Variants in BTBD8 observed in about 807,000 individuals in gnomAD.
BTBD8 encodes the protein BTB domain containing 8, also known as BTB/POZ domain-containing protein 8.
Under a neutral mutation model 162.9 loss-of-function variants are expected in BTBD8, and 110 were observed. That is an observed-to-expected ratio of 0.68 (90% CI 0.58 to 0.79). The LOEUF (loss-of-function observed/expected upper bound fraction) is 0.79. Among genes scored for constraint, BTBD8 ranks in the 30% least tolerant of loss-of-function variants. The pLI, the probability that BTBD8 is intolerant of heterozygous loss-of-function variation, is 0.00. For synonymous variants in BTBD8, 667 were observed against 716.1 expected, an observed-to-expected ratio of 0.93 and a Z score of 1.10; for missense variants, 1,905 against 2,085.4, an observed-to-expected ratio of 0.91 and a Z score of 1.68.
At chr1:92,089,022 C>T in intron 2 of BTBD8, 127 bp downstream of exon 2, 1 of 889,052 alleles carries the variant, frequency 1.1e-6, no homozygotes, top group Admixed American at 3.0e-5. Context: ...ACTTAAATTC[C>T]AAATTATCTT....
Position 92,173,307 on chromosome 1 carries a change from G to A in BTBD8, c.1635+1847G>A, listed in dbSNP as rs186254494. 2.4e-4 allele frequency among the ~76,000 whole-genome samples: 37 copies of A among 152,288 alleles called. No individual in the cohort carries two copies. The East Asian group carries it at 6.9e-3, about 29-fold the overall frequency. ...CACTAAAGAATACTTTTGAATTGTT[G>A]CATCCAAAATTTTCCCCAATGTTAT... On this transcript the variant is annotated intron_variant, in intron 13 of 17. Coordinates refer to ENST00000636805, the MANE Select transcript of BTBD8 (RefSeq NM_001376131.1).
intron 9 of BTBD8, among the ~76,000 whole-genome samples, chr1:92,153,363 T>C (rs1404171713): frequency 1.3e-5 from 2 of 152,170 alleles, no homozygotes; most frequent in African/African-American, 2.4e-5. Flanking sequence ...CATCCTTTAC[T>C]TATTTTATTT....
At position 92,121,837 on chromosome 1, in the gene BTBD8, T is replaced by A. The variant is rs905984591; in HGVS notation, c.663-7850T>A. Reference sequence around the variant, plus strand: ...GTTTATATCTTTTGCCCATTTATTTTTTTATTTTTTTTTTTTTGAGACAGA... The same window carrying A: ...GTTTATATCTTTTGCCCATTTATTTATTTATTTTTTTTTTTTTGAGACAGA... On this transcript the variant is annotated intron_variant, in intron 4 of 17. Coordinates refer to ENST00000636805, the MANE Select transcript of BTBD8 (RefSeq NM_001376131.1). 4.6e-5 allele frequency among the ~76,000 whole-genome samples: 7 copies of A among 151,206 alleles called. No homozygotes were observed. The South Asian group carries it at 6.2e-4, about 13-fold the overall frequency.
intron 1 of BTBD8, among the ~76,000 whole-genome samples, chr1:92,081,791 C>T (rs1172380842): frequency 6.6e-6 from 1 of 152,162 alleles, no homozygotes; most frequent in Non-Finnish European, 1.5e-5. Context: ...CCAGGCTAGT[C>T]ACGAACTCGT....
chr1:92,090,522 T>G (rs966685066), intron 2 of BTBD8, among the ~76,000 whole-genome samples: 2 of 152,244 alleles, frequency 1.3e-5, no homozygotes, highest in African/African-American at 4.8e-5. Flanking sequence ...TCTTTATATA[T>G]TCTGTAATAT....
At chr1:92,100,234 AAATT>A (rs913804731) in intron 2 of BTBD8, among the ~76,000 whole-genome samples, 1 of 152,092 alleles carries the variant, frequency 6.6e-6, no homozygotes, top group African/African-American at 2.4e-5. Flanking sequence ...ATTCAGTTTA[AAATT>A]ATTTTGTTGA....
intron 2 of BTBD8, among the ~76,000 whole-genome samples, chr1:92,097,390 A>G (rs577862255): frequency 6.6e-6 from 1 of 152,030 alleles, no homozygotes; most frequent in Non-Finnish European, 1.5e-5. Flanking sequence ...TTTTTAATGG[A>G]TATAATTTTC....
chr1:92,095,806 A>G (rs1648434076), intron 2 of BTBD8, among the ~76,000 whole-genome samples: 2 of 152,112 alleles, frequency 1.3e-5, no homozygotes, highest in African/African-American at 4.8e-5. Context: ...ACTCACTGCC[A>G]TGTCAAATCC....
At chr1:92,098,777 C>A (rs1307130944) in intron 2 of BTBD8, among the ~76,000 whole-genome samples, 1 of 152,086 alleles carries the variant, frequency 6.6e-6, no homozygotes, top group Non-Finnish European at 1.5e-5. Flanking sequence ...ATTGGGTTCT[C>A]TTTAAACTAT....
At chr1:92,121,283 G>A (rs1649203332) in intron 4 of BTBD8, among the ~76,000 whole-genome samples, 1 of 152,132 alleles carries the variant, frequency 6.6e-6, no homozygotes, top group Non-Finnish European at 1.5e-5. Context: ...AATTCAGTTT[G>A]CTAATATTTT....
chr1:92,101,939 C>T (rs1648601247), intron 2 of BTBD8, among the ~76,000 whole-genome samples: 2 of 152,180 alleles, frequency 1.3e-5, no homozygotes, highest in South Asian at 4.1e-4. Flanking sequence ...CTCAAGCAAT[C>T]CTCCTGCCTT....
intron 4 of BTBD8, among the ~76,000 whole-genome samples, chr1:92,109,271 C>A (rs1648826269): frequency 6.8e-6 from 1 of 147,826 alleles, no homozygotes; most frequent in Non-Finnish European, 1.5e-5. Flanking sequence ...TTTTTTTAAC[C>A]AACACAATTG....
At chr1:92,149,974 T>C (rs1650009151) in intron 9 of BTBD8, among the ~76,000 whole-genome samples, 1 of 152,182 alleles carries the variant, frequency 6.6e-6, no homozygotes, top group South Asian at 2.1e-4. Context: ...CTCATCTGCC[T>C]GCCCTGTGGA....
chr1:92,166,870 C>T (rs1334157412), intron 9 of BTBD8, 88 bp from the exon 10 acceptor site: 1 of 1,324,694 alleles, frequency 7.5e-7, no homozygotes, highest in Non-Finnish European at 1.0e-6. Context: ...GGAAACATCC[C>T]ATAACAACAA....
intron 4 of BTBD8, among the ~76,000 whole-genome samples, 162 bp downstream of exon 4, chr1:92,108,163 C>T (rs989283711): frequency 6.6e-6 from 1 of 152,152 alleles, no homozygotes; most frequent in Non-Finnish European, 1.5e-5. Context: ...CAGGGGGAGT[C>T]CAACAGGGGA....
In BTBD8 at chr1:92,126,238, G is replaced by A. The variant is rs1009653505; in HGVS notation, c.663-3449G>A. 269 of 573,208 alleles carry A rather than the reference G, an allele frequency of 4.7e-4. 2 individuals carry two copies. Among genetic ancestry groups the A allele is most frequent in the Admixed American group, 4.2e-4 (22 of 51,990 alleles). The allele number at this position is 573,208 out of a possible 1,614,324, so 35.5% of individuals were successfully genotyped here. A position where few individuals can be genotyped will look rare whatever the true frequency, so the allele number is the denominator to read the frequency against. On this transcript the variant is annotated intron_variant, in intron 4 of 17. Transcript: ENST00000636805. Reference sequence around the variant, plus strand: ...GAGGGGCCAGCTGCTATGCTGCAACGTTGATAAGAAAATGAAGAGTTTGTT... The same window carrying A: ...GAGGGGCCAGCTGCTATGCTGCAACATTGATAAGAAAATGAAGAGTTTGTT...
At chr1:92,101,491 C>CCGCA (rs1648589469) in intron 2 of BTBD8, among the ~76,000 whole-genome samples, 1 of 152,216 alleles carries the variant, frequency 6.6e-6, no homozygotes, top group Non-Finnish European at 1.5e-5. Context: ...ACACTACTCA[C>CCGCA]TGCCCCACCA....
intron 9 of BTBD8, among the ~76,000 whole-genome samples, chr1:92,165,740 A>G (rs1356699885): frequency 6.6e-6 from 1 of 152,072 alleles, no homozygotes; most frequent in Non-Finnish European, 1.5e-5. Flanking sequence ...CTTCCCTATT[A>G]GGCCTCTTTG....
At chr1:92,107,804 C>A in intron 3 of BTBD8, 80 bp from the exon 4 acceptor site, 1 of 1,128,632 alleles carries the variant, frequency 8.9e-7, no homozygotes, top group Non-Finnish European at 1.2e-6. Flanking sequence ...ATGTGGGAAA[C>A]CTCTTGATAA....
Sources: allele counts gnomAD v4.1 joint callset (sites outside exome capture counted in the v4.1 genomes callset), GRCh38; gene constraint gnomAD v4.1.1; transcripts MANE v1.5; gene names NCBI Gene and HGNC (gene_info 2026-07-23, HGNC 2026-07-21).